Variants in GALNT13 observed in about 807,000 individuals in gnomAD.
The protein encoded by GALNT13 is polypeptide N-acetylgalactosaminyltransferase 13.
In GALNT13, 28 loss-of-function variants were observed where a neutral mutation model predicts 64.2. The ratio of observed to expected loss-of-function variants is 0.44; its 90% confidence interval spans 0.32 to 0.60. GALNT13 has a LOEUF of 0.60. GALNT13 is among the 20% of genes least tolerant of loss of function. The pLI is 0.05. For missense variants in GALNT13, 577 were observed against 669.8 expected (o/e 0.86, Z 1.53); for synonymous variants, 214 against 224.6 (o/e 0.95, Z 0.42).
intron 3 of GALNT13, among the ~76,000 whole-genome samples, chr2:153,969,302 CA>C (rs1248424476): frequency 1.3e-5 from 2 of 151,884 alleles, no homozygotes; most frequent in Non-Finnish European, 2.9e-5. Context: ...AGTTTAAAAA[CA>C]AATCTAATTC....
the GALNT13 span, among the ~76,000 whole-genome samples, chr2:153,413,287 C>G: frequency 6.6e-6 from 1 of 152,130 alleles, no homozygotes; most frequent in Admixed American, 6.5e-5. Flanking sequence ...TACAGGTCAG[C>G]TTCCTTGGGT....
At chr2:154,446,245 G>A (rs533807738) in intron 12 of GALNT13, among the ~76,000 whole-genome samples, 183 of 152,074 alleles carry the variant, frequency 1.2e-3, no homozygotes, top group African/African-American at 4.2e-3. Flanking sequence ...TAACTCATCT[G>A]GTACTAAAAA....
At chr2:154,261,014 C>T (rs776751569) in intron 8 of GALNT13, among the ~76,000 whole-genome samples, 7 of 152,062 alleles carry the variant, frequency 4.6e-5, no homozygotes, top group Non-Finnish European at 8.8e-5. Flanking sequence ...CCCAGATTGG[C>T]GGGATGCTCT....
chr2:153,461,616 G>GT, the GALNT13 span, among the ~76,000 whole-genome samples: 3 of 152,060 alleles, frequency 2.0e-5, no homozygotes, highest in Non-Finnish European at 4.4e-5. Flanking sequence ...TGCCGGAGTG[G>GT]TATAAGGATT....
intron 3 of GALNT13, among the ~76,000 whole-genome samples, chr2:154,129,265 A>T (rs544886745): frequency 6.6e-5 from 10 of 152,270 alleles, no homozygotes; most frequent in African/African-American, 2.4e-4. Context: ...ATTCTATGAA[A>T]ACTGACAAAG....
At chr2:153,299,825 AT>A in the GALNT13 span, among the ~76,000 whole-genome samples, 1 of 152,218 alleles carries the variant, frequency 6.6e-6, no homozygotes, top group East Asian at 1.9e-4. Context: ...TTATACCTGA[AT>A]TGTTCATTTT....
At chr2:153,870,001 T>C (rs562510186), upstream of GALNT13, among the ~76,000 whole-genome samples, 2 of 152,002 alleles carry the variant, frequency 1.3e-5, no homozygotes, top group East Asian at 3.9e-4. Flanking sequence ...AGACAAAACA[T>C]TGCAGCTGAG....
Position 153,890,965 on chromosome 2 carries a change from A to G in GALNT13, c.-176-9971A>G, listed in dbSNP as rs1157572594. On this transcript the variant is annotated intron_variant, in intron 1 of 12. Coordinates refer to ENST00000392825, the MANE Select transcript of GALNT13 (RefSeq NM_052917.4). ...AAGGTGTTGTTCCACTTATTTATTG[A>G]TGCTCATGAAGCATTCATTGTTGGT... Among the ~76,000 whole-genome samples, 5 of 152,072 alleles carry G rather than the reference A, an allele frequency of 3.3e-5. No homozygotes were observed. In the East Asian group the frequency reaches 7.8e-4, roughly 24 times the overall value.
chr2:153,393,475 CT>C, the GALNT13 span, among the ~76,000 whole-genome samples: 4 of 151,868 alleles, frequency 2.6e-5, no homozygotes, highest in Non-Finnish European at 4.4e-5. Context: ...TTAAAGAATT[CT>C]TTTTTTTCCC....
the GALNT13 span, among the ~76,000 whole-genome samples, chr2:153,256,004 A>T: frequency 3.9e-5 from 6 of 152,066 alleles, no homozygotes; most frequent in Non-Finnish European, 7.3e-5. Flanking sequence ...CTGAATCTGA[A>T]TGTTGGCCTG....
At chr2:153,510,599 T>C in the GALNT13 span, among the ~76,000 whole-genome samples, 1 of 151,750 alleles carries the variant, frequency 6.6e-6, no homozygotes, top group Non-Finnish European at 1.5e-5. Context: ...CACCTGGGAG[T>C]CATGAACAAA....
chr2:153,163,611 T>C, the GALNT13 span, among the ~76,000 whole-genome samples: 1 of 151,896 alleles, frequency 6.6e-6, no homozygotes, highest in Non-Finnish European at 1.5e-5. Context: ...GAGGTCACAA[T>C]AACCTGGAAT....
intron 12 of GALNT13, chr2:154,446,497 C>A: frequency 5.7e-6 from 8 of 1,415,406 alleles, no homozygotes; most frequent in Non-Finnish European, 7.5e-6. Flanking sequence ...TGCATGTTGC[C>A]TAGGATGATT....
chr2:153,274,000 A>G, the GALNT13 span, among the ~76,000 whole-genome samples: 1 of 152,160 alleles, frequency 6.6e-6, no homozygotes, highest in African/African-American at 2.4e-5. Context: ...TGTTCAGCAG[A>G]GGTGTCTCTG....
At chr2:154,201,397 G>A (rs902510040) in intron 4 of GALNT13, among the ~76,000 whole-genome samples, 14 of 152,066 alleles carry the variant, frequency 9.2e-5, no homozygotes, top group Admixed American at 9.2e-4. Context: ...TGAGACCAAC[G>A]CATCTCTTAC....
At chr2:153,834,956 G>A in the GALNT13 span, among the ~76,000 whole-genome samples, 1 of 152,058 alleles carries the variant, frequency 6.6e-6, no homozygotes, top group African/African-American at 2.4e-5. Context: ...TGAGTAAGCA[G>A]AGTTAAGTCA....
chr2:153,504,852 T>C, the GALNT13 span, among the ~76,000 whole-genome samples: 1 of 152,186 alleles, frequency 6.6e-6, no homozygotes, highest in African/African-American at 2.4e-5. Context: ...TCTTTTCTTG[T>C]TATGTCCTTC....
chr2:153,913,750 T>G lies in GALNT13; in HGVS notation c.-105+12743T>G, dbSNP rs1689143636. 2.6e-5 allele frequency among the ~76,000 whole-genome samples: 4 copies of G among 152,100 alleles called. No homozygotes were observed. In the South Asian group the frequency reaches 8.3e-4, roughly 31 times the overall value. Reference sequence around the variant, plus strand: ...TAAGTCCTGGTGAACGGCAGTCCCATGCAGGGTGCCCAGTCCCCTCTCCCT... The same window carrying G: ...TAAGTCCTGGTGAACGGCAGTCCCAGGCAGGGTGCCCAGTCCCCTCTCCCT... On this transcript the variant is annotated intron_variant, in intron 2 of 12. Coordinates refer to ENST00000392825, the MANE Select transcript of GALNT13 (RefSeq NM_052917.4).
At chr2:154,330,465 G>A (rs909206506) in intron 9 of GALNT13, among the ~76,000 whole-genome samples, 1 of 152,120 alleles carries the variant, frequency 6.6e-6, no homozygotes, top group Non-Finnish European at 1.5e-5. Context: ...AATATGGTAA[G>A]ACAGACAGAT....
Sources: gnomAD v4.1 joint callset for allele counts (sites outside exome capture counted in the v4.1 genomes callset) on GRCh38, gnomAD v4.1.1 for gene constraint, MANE v1.5 for transcripts, NCBI Gene and HGNC (gene_info 2026-07-23, HGNC 2026-07-21) for gene names.